Variants in ZNHIT6 observed in about 807,000 individuals in gnomAD.
The protein encoded by ZNHIT6 is zinc finger HIT-type containing 6.
In ZNHIT6, 45 loss-of-function variants were observed where a neutral mutation model predicts 57.2. That is an observed-to-expected ratio of 0.79 (90% CI 0.62 to 1.01). The LOEUF (loss-of-function observed/expected upper bound fraction) is 1.01, where lower values mean the gene tolerates loss of function less well. ZNHIT6 is among the 50% of genes least tolerant of loss of function. The probability of loss-of-function intolerance (pLI) is 0.00; values close to 1 mark genes in which losing one functional copy is unlikely to be tolerated. For synonymous variants in ZNHIT6, 188 were observed against 190.0 expected, an observed-to-expected ratio of 0.99 and a Z score of 0.09; for missense variants, 528 against 567.3, an observed-to-expected ratio of 0.93 and a Z score of 0.70.
intron 5 of ZNHIT6, among the ~76,000 whole-genome samples, chr1:85,689,012 A>C (rs1432942776): frequency 6.6e-6 from 1 of 152,222 alleles, no homozygotes; most frequent in Non-Finnish European, 1.5e-5. Flanking sequence ...AACCTAACTG[A>C]TACAAGGGAT....
chr1:85,707,957 C>T lies in ZNHIT6; in HGVS notation c.328G>A (p.Glu110Lys). Residue 110 changes from glutamate (E) to lysine (K), a missense_variant, in exon 1 of 10, where the codon GAG becomes AAG. Glu to Lys is a moderately conservative substitution (Grantham distance 56). Coordinates refer to ENST00000370574, the MANE Select transcript of ZNHIT6 (RefSeq NM_017953.4). ...TTCACCTCCAATACGCCTGCGTTCT[C>T]ATCCTTCACCTCAGGCCTATCCTCC... ...EVEDRPEVKD[E>K]NAGVLEVKQE... The T allele has an allele frequency of 6.2e-7, 1 of 1,614,038 alleles. No individual in the cohort carries two copies. Among genetic ancestry groups the T allele is most frequent in the Non-Finnish European group, 8.5e-7 (1 of 1,180,010 alleles).
intron 8 of ZNHIT6, among the ~76,000 whole-genome samples, chr1:85,658,447 G>T (rs542110777): frequency 1.2e-4 from 18 of 152,164 alleles, no homozygotes; most frequent in African/African-American, 4.3e-4. Context: ...AGCTAGGATG[G>T]TCTCGATCTC....
chr1:85,673,410 G>A (rs576168332), intron 8 of ZNHIT6, among the ~76,000 whole-genome samples: 83 of 152,282 alleles, frequency 5.5e-4, no homozygotes, highest in Middle Eastern at 6.8e-3. Flanking sequence ...AATAAGTCAT[G>A]TATGGCAAAG....
chr1:85,653,863 G>T lies in ZNHIT6; in HGVS notation c.*195C>A. 1 of 563,084 alleles carries T rather than the reference G, an allele frequency of 1.8e-6. No individual in the cohort carries two copies. Among genetic ancestry groups the T allele is most frequent in the East Asian group, 3.0e-5 (1 of 33,634 alleles). 34.9% of individuals were successfully genotyped at this position (563,084 alleles called of 1,614,324 possible). On this transcript the variant is annotated 3_prime_UTR_variant, in exon 10 of 10. Transcript: ENST00000370574. ...AAGTGCAAAGGAGAGTTCTTAATAT[G>T]AATAAATGGGTCTTACAAGTCAATT...
At chr1:85,702,409 G>T (rs1662562282) in intron 4 of ZNHIT6, 149 bp from the exon 5 acceptor site, 6 of 594,556 alleles carry the variant, frequency 1.0e-5, no homozygotes, top group Non-Finnish European at 1.8e-5. Context: ...TCTTCACCAT[G>T]ATACTATGAG....
At chr1:85,702,416 T>G (rs1014890281) in intron 4 of ZNHIT6, among the ~76,000 whole-genome samples, 156 bp from the exon 5 acceptor site, 2 of 152,240 alleles carry the variant, frequency 1.3e-5, no homozygotes, top group African/African-American at 4.8e-5. Context: ...CATGATACTA[T>G]GAGAATAGGT....
At chr1:85,676,219 C>A (rs894810689) in intron 8 of ZNHIT6, among the ~76,000 whole-genome samples, 1 of 151,816 alleles carries the variant, frequency 6.6e-6, no homozygotes, top group African/African-American at 2.4e-5. Context: ...GCCTGTAATC[C>A]CAGCTACTCA....
chr1:85,667,946 T>TAAAAAAAAA (rs1471641849), intron 8 of ZNHIT6, among the ~76,000 whole-genome samples: 1 of 3,742 alleles, frequency 2.7e-4, no homozygotes, highest in Admixed American at 2.4e-3. Context: ...ACTCTCTCTT[T>TAAAAAAAAA]CAAAAAAAAA....
chr1:85,707,763 C>G lies in ZNHIT6; in HGVS notation c.522G>C (p.Glu174Asp). The change falls in exon 1 of 10, where the codon GAG becomes GAC. Residue 174 changes from glutamate to aspartate, a missense_variant. Physicochemically the swap from Glu to Asp is conservative, Grantham distance 45. Coordinates refer to ENST00000370574, the MANE Select transcript of ZNHIT6 (RefSeq NM_017953.4). ...EEKFVGQCIK[E>D]ELMHGECVKE... ...TTACACACTCTCCATGCATCAATTC[C>G]TCTTTTATGCATTGACCAACAAACT... is the stretch of plus-strand genomic sequence containing the variant. 6.2e-7 allele frequency: 1 copy of G among 1,614,134 alleles called. No individual in the cohort carries two copies. The highest frequency in any genetic ancestry group is 8.5e-7 in the Non-Finnish European group (1 of 1,180,018).
chr1:85,687,895 T>A (rs527977080), intron 5 of ZNHIT6, among the ~76,000 whole-genome samples: 1 of 152,086 alleles, frequency 6.6e-6, no homozygotes, highest in Non-Finnish European at 1.5e-5. Flanking sequence ...ATACAAAAAT[T>A]AGCTGGGTAT....
chr1:85,687,309 A>AAAAAAAAAAAAAG (rs1662089231), intron 5 of ZNHIT6, among the ~76,000 whole-genome samples: 1 of 143,926 alleles, frequency 6.9e-6, no homozygotes, highest in African/African-American at 2.5e-5. Flanking sequence ...CAAAAAAAAA[A>AAAAAAAAAAAAAG]AACAATTTAG....
Position 85,706,443 on chromosome 1 carries a change from T to C in ZNHIT6, c.721A>G (p.Ser241Gly). ...RCPRCMRYSC[S>G]LPCVKKHKAE... is the part of the protein sequence containing the mutation. ...AAAGGTAGGAAGTTACATGTATACCTGCAGGAATATCGCATACAACGTGGA... is the reference window on the plus strand; with the variant it reads ...AAAGGTAGGAAGTTACATGTATACCCGCAGGAATATCGCATACAACGTGGA... The change falls in exon 2 of 10, where the codon AGT becomes GGT. Residue 241 changes from serine (S) to glycine (G), a missense_variant and splice_region_variant. Coordinates refer to ENST00000370574, the MANE Select transcript of ZNHIT6 (RefSeq NM_017953.4). 4 of 1,612,192 alleles carry C rather than the reference T, an allele frequency of 2.5e-6. No individual in the cohort carries two copies. The highest frequency in any genetic ancestry group is 3.4e-6 in the Non-Finnish European group (4 of 1,179,570).
chr1:85,666,391 A>G (rs1661371727), intron 8 of ZNHIT6, among the ~76,000 whole-genome samples: 1 of 152,192 alleles, frequency 6.6e-6, no homozygotes, highest in Admixed American at 6.5e-5. Flanking sequence ...GTTTTTAGAG[A>G]AAACTCACAT....
At chr1:85,662,494 A>C (rs1199636969) in intron 8 of ZNHIT6, among the ~76,000 whole-genome samples, 1 of 50,852 alleles carries the variant, frequency 2.0e-5, no homozygotes, top group African/African-American at 5.1e-5. Context: ...AAGTTCAACT[A>C]AATTATTCCA....
Position 85,680,916 on chromosome 1 carries a change from A to C in ZNHIT6, c.1020-12T>G. On this transcript the variant is annotated splice_polypyrimidine_tract_variant and intron_variant, in intron 5 of 9. Transcript: ENST00000370574. ...AAAACTGTTGTTTTCTAAGAGAGAA[A>C]ATAATCATGTGAGAATCAAGGTAGA... is the stretch of plus-strand genomic sequence containing the variant. The C allele has an allele frequency of 6.2e-7, 1 of 1,604,666 alleles. No homozygotes were observed. The highest frequency in any genetic ancestry group is 1.1e-5 in the South Asian group (1 of 89,618).
At chr1:85,677,211 G>C (rs1570305399) in intron 8 of ZNHIT6, 25 bp downstream of exon 8, 10 of 1,549,390 alleles carry the variant, frequency 6.5e-6, no homozygotes, top group Non-Finnish European at 8.7e-6. Context: ...AATATTTAAA[G>C]AAATGGGGAG....
At chr1:85,665,286 TTTGA>T (rs1463125829) in intron 8 of ZNHIT6, among the ~76,000 whole-genome samples, 1 of 151,540 alleles carries the variant, frequency 6.6e-6, no homozygotes, top group Non-Finnish European at 1.5e-5. Context: ...AGGTATACAA[TTTGA>T]TTTTTATTTT....
chr1:85,675,733 T>C (rs1225666546), intron 8 of ZNHIT6, among the ~76,000 whole-genome samples: 2 of 152,326 alleles, frequency 1.3e-5, no homozygotes, highest in South Asian at 2.1e-4. Flanking sequence ...GAAAAATCTG[T>C]TTAGTGTAGC....
At chr1:85,682,413 GCCATCTTATGGAATTGTAAA>G (rs1661907495) in intron 5 of ZNHIT6, among the ~76,000 whole-genome samples, 2 of 151,992 alleles carry the variant, frequency 1.3e-5, no homozygotes, top group Admixed American at 1.3e-4. Flanking sequence ...TTACCAACTT[GCCATCTTATGGAATTGTAAA>G]CCATACTCAA....
Sources: allele counts gnomAD v4.1 joint callset (sites outside exome capture counted in the v4.1 genomes callset), GRCh38; gene constraint gnomAD v4.1.1; transcripts MANE v1.5; gene names NCBI Gene and HGNC (gene_info 2026-07-23, HGNC 2026-07-21).